CTNND2: variants seen among roughly 807,000 people sequenced by gnomAD.
CTNND2 encodes the protein catenin delta 2, also known as catenin delta-2.
In CTNND2, 22 loss-of-function variants were observed where a neutral mutation model predicts 144.4. That is an observed-to-expected ratio of 0.15 (90% CI 0.11 to 0.22). The LOEUF (loss-of-function observed/expected upper bound fraction) is 0.22. CTNND2 is among the 10% of genes least tolerant of loss of function. CTNND2 has a pLI of 1.00. For synonymous variants in CTNND2, 751 were observed against 695.6 expected (o/e 1.08, Z -1.25); for missense variants, 1,353 against 1,618.8 (o/e 0.84, Z 2.82).
intron 2 of CTNND2, among the ~76,000 whole-genome samples, chr5:11,633,738 T>A (rs2727609): frequency 1.3e-5 from 2 of 149,864 alleles, no homozygotes; most frequent in Non-Finnish European, 3.0e-5. Context: ...AATGTGCCAA[T>A]GTACTCCAGT....
chr5:11,205,179 C>CTA (rs59497796), intron 10 of CTNND2, among the ~76,000 whole-genome samples: 4 of 151,882 alleles, frequency 2.6e-5, no homozygotes, highest in East Asian at 1.9e-4. Flanking sequence ...TCGCTACATA[C>CTA]TATATATATA....
At chr5:11,774,634 C>G (rs947518565) in intron 1 of CTNND2, among the ~76,000 whole-genome samples, 1 of 150,900 alleles carries the variant, frequency 6.6e-6, no homozygotes, top group Non-Finnish European at 1.5e-5. Context: ...ACCAGATAGT[C>G]ACATTTTCGC....
chr5:11,598,587 T>C (rs1029556447), intron 2 of CTNND2, among the ~76,000 whole-genome samples: 1 of 152,158 alleles, frequency 6.6e-6, no homozygotes, highest in African/African-American at 2.4e-5. Context: ...TTCTTTTCAT[T>C]AAGCCTCCTA....
At chr5:11,863,965 A>C (rs12652699) in intron 1 of CTNND2, among the ~76,000 whole-genome samples, 38,361 of 152,100 alleles carry the variant, frequency 0.25, 4,943 homozygotes, top group Non-Finnish European at 0.28. Flanking sequence ...GGTACATCTA[A>C]AGCAGAACTC....
At chr5:11,520,080 G>A (rs1772580804) in intron 3 of CTNND2, among the ~76,000 whole-genome samples, 2 of 148,760 alleles carry the variant, frequency 1.3e-5, no homozygotes, top group Admixed American at 1.3e-4. Context: ...CCAGGAGGAA[G>A]AGGTTGCAAT....
At chr5:11,109,327 C>T (rs1412072829) in intron 14 of CTNND2, among the ~76,000 whole-genome samples, 4 of 152,218 alleles carry the variant, frequency 2.6e-5, no homozygotes, top group African/African-American at 9.7e-5. Flanking sequence ...CTTGAACTAA[C>T]AGCATGCATG....
At chr5:11,768,490 C>T (rs1009344731) in intron 1 of CTNND2, among the ~76,000 whole-genome samples, 1 of 152,136 alleles carries the variant, frequency 6.6e-6, no homozygotes, top group Non-Finnish European at 1.5e-5. Flanking sequence ...GGGTTTTCAT[C>T]CTGTTGGCCA....
chr5:11,795,956 G>T (rs1233207958), intron 1 of CTNND2, among the ~76,000 whole-genome samples: 7 of 152,196 alleles, frequency 4.6e-5, no homozygotes, highest in African/African-American at 1.7e-4. Flanking sequence ...ATCTGGCAGA[G>T]AATCTGTTTC....
intron 12 of CTNND2, among the ~76,000 whole-genome samples, chr5:11,151,397 T>C (rs1561389411): frequency 6.6e-6 from 1 of 152,226 alleles, no homozygotes; most frequent in Non-Finnish European, 1.5e-5. Flanking sequence ...ACCAGCTTTT[T>C]ATTTATCAGG....
intron 18 of CTNND2, among the ~76,000 whole-genome samples, chr5:10,999,935 G>A (rs913186613): frequency 2.6e-5 from 4 of 152,202 alleles, no homozygotes; most frequent in Non-Finnish European, 5.9e-5. Context: ...CAATGTGCAC[G>A]ACAATCGGGC....
At chr5:11,632,330 G>T (rs1781453744) in intron 2 of CTNND2, among the ~76,000 whole-genome samples, 1 of 152,108 alleles carries the variant, frequency 6.6e-6, no homozygotes, top group Non-Finnish European at 1.5e-5. Flanking sequence ...GTCAACCTGG[G>T]GTCCTGCGGT....
chr5:11,396,393 G>A (rs1760137771), intron 6 of CTNND2, among the ~76,000 whole-genome samples: 1 of 151,890 alleles, frequency 6.6e-6, no homozygotes, highest in Non-Finnish European at 1.5e-5. Flanking sequence ...AAAATTTCCA[G>A]ATTGGTAGCT....
intron 16 of CTNND2, among the ~76,000 whole-genome samples, chr5:11,075,203 G>T (rs1319522163): frequency 6.6e-6 from 1 of 152,158 alleles, no homozygotes; most frequent in African/African-American, 2.4e-5. Context: ...AGAAGCAGCA[G>T]ATTCCCCCTA....
intron 9 of CTNND2, among the ~76,000 whole-genome samples, chr5:11,292,800 G>C (rs2150017940): frequency 6.6e-6 from 1 of 152,238 alleles, no homozygotes. Context: ...TGAAGGCTGG[G>C]TGATATTGCC....
intron 3 of CTNND2, among the ~76,000 whole-genome samples, chr5:11,549,970 A>G (rs1775620825): frequency 2.0e-5 from 3 of 152,220 alleles, no homozygotes. Flanking sequence ...TATCTGTAAA[A>G]ATCAGGGCAT....
chr5:11,137,419 T>A (rs1229362828), intron 12 of CTNND2, among the ~76,000 whole-genome samples: 1 of 152,198 alleles, frequency 6.6e-6, no homozygotes, highest in African/African-American at 2.4e-5. Flanking sequence ...AAATAGTACA[T>A]ACACCCCAAC....
At chr5:11,649,312 T>C (rs1041640506) in intron 2 of CTNND2, among the ~76,000 whole-genome samples, 7 of 152,260 alleles carry the variant, frequency 4.6e-5, no homozygotes, top group African/African-American at 1.4e-4. Context: ...AAACTTATTT[T>C]GTTATTTTTA....
chr5:11,618,201 C>G (rs1444879487), intron 2 of CTNND2, among the ~76,000 whole-genome samples: 1 of 152,028 alleles, frequency 6.6e-6, no homozygotes, highest in Non-Finnish European at 1.5e-5. Context: ...TACTGACCCA[C>G]AATCCCCTAC....
At chr5:11,782,458 G>C (rs1218033436) in intron 1 of CTNND2, among the ~76,000 whole-genome samples, 1 of 152,102 alleles carries the variant, frequency 6.6e-6, no homozygotes. Flanking sequence ...ACTCATGAGG[G>C]CAATAAAGGT....
Sources: gnomAD v4.1 joint callset for allele counts (sites outside exome capture counted in the v4.1 genomes callset) on GRCh38, gnomAD v4.1.1 for gene constraint, MANE v1.5 for transcripts, NCBI Gene and HGNC (gene_info 2026-07-23, HGNC 2026-07-21) for gene names.